The following STPG2 variants were observed in gnomAD, a reference collection of about 807,000 sequenced individuals.
The protein encoded by STPG2 is sperm-tail PG-rich repeat-containing protein 2.
A neutral mutation model predicts 54.2 loss-of-function variants in STPG2; 56 were observed. The ratio of observed to expected loss-of-function variants is 1.03; its 90% CI spans 0.83 to 1.29. The LOEUF is 1.29. Ranked by LOEUF, STPG2 falls within the 50% of genes most tolerant of loss-of-function variation. STPG2 has a pLI of 0.00. For synonymous variants in STPG2, 200 were observed against 181.8 expected, an observed-to-expected ratio of 1.10 and a Z score of -0.81; for missense variants, 596 against 544.9, an observed-to-expected ratio of 1.09 and a Z score of -0.93.
At chr4:97,499,954 A>C (rs1278066896) in intron 4 of STPG2, among the ~76,000 whole-genome samples, 1 of 151,978 alleles carries the variant, frequency 6.6e-6, no homozygotes, top group African/African-American at 2.4e-5. Flanking sequence ...ATCATTGTTG[A>C]GTATTTTAAG....
chr4:97,848,768 ATTGC>A (rs1245202354), intron 8 of STPG2, among the ~76,000 whole-genome samples: 2 of 151,178 alleles, frequency 1.3e-5, no homozygotes. Flanking sequence ...TCCTTTCCCC[ATTGC>A]TTGTTTTTCT....
chr4:97,535,548 T>C (rs540610960), intron 4 of STPG2, among the ~76,000 whole-genome samples: 16 of 152,320 alleles, frequency 1.1e-4, no homozygotes, highest in Admixed American at 2.6e-4. Context: ...CTTTTCCTTT[T>C]AGCATGGTAA....
At chr4:98,057,098 G>A (rs546221521) in intron 5 of STPG2, among the ~76,000 whole-genome samples, 21 of 152,346 alleles carry the variant, frequency 1.4e-4, no homozygotes, top group African/African-American at 4.6e-4. Flanking sequence ...ACAAAGATGA[G>A]AAAGAATCAG....
chr4:97,674,335 C>A (rs1467593077), intron 10 of STPG2, among the ~76,000 whole-genome samples: 1 of 152,040 alleles, frequency 6.6e-6, no homozygotes, highest in Non-Finnish European at 1.5e-5. Flanking sequence ...CGTATTATTT[C>A]AGGGATATTG....
intron 9 of STPG2, among the ~76,000 whole-genome samples, chr4:97,808,708 C>A (rs1364890466): frequency 1.0e-4 from 13 of 124,932 alleles, no homozygotes; most frequent in Non-Finnish European, 1.2e-4. Context: ...AAAAAAAAAA[C>A]CCACAGAAAC....
intron 4 of STPG2, among the ~76,000 whole-genome samples, chr4:97,495,540 T>C (rs950729474): frequency 6.6e-6 from 1 of 151,422 alleles, no homozygotes; most frequent in Admixed American, 6.6e-5. Context: ...TAATATATTA[T>C]GCAGTTCGGT....
intron 8 of STPG2, among the ~76,000 whole-genome samples, chr4:97,890,035 G>C (rs1326368936): frequency 6.6e-6 from 1 of 152,084 alleles, no homozygotes; most frequent in Non-Finnish European, 1.5e-5. Context: ...GCTATTAAAG[G>C]CAATCAGTTT....
intron 9 of STPG2, among the ~76,000 whole-genome samples, chr4:97,831,117 T>G (rs756001977): frequency 6.6e-6 from 1 of 152,252 alleles, no homozygotes; most frequent in Non-Finnish European, 1.5e-5. Flanking sequence ...GACCACATAA[T>G]TGGAAGTAAA....
chr4:97,788,392 A>G (rs1420120025), intron 9 of STPG2, among the ~76,000 whole-genome samples: 4 of 152,120 alleles, frequency 2.6e-5, no homozygotes, highest in Admixed American at 2.6e-4. Context: ...ATGTTGTTGC[A>G]AATGACAAGA....
downstream of STPG2, among the ~76,000 whole-genome samples, chr4:97,558,423 T>A (rs1431550945): frequency 1.3e-5 from 2 of 152,256 alleles, no homozygotes; most frequent in South Asian, 2.1e-4. Flanking sequence ...AAAAGGTGAA[T>A]AGGATCTCAC....
At chr4:97,736,430 G>C (rs536367298) in intron 9 of STPG2, among the ~76,000 whole-genome samples, 1 of 152,334 alleles carries the variant, frequency 6.6e-6, no homozygotes, top group East Asian at 1.9e-4. Flanking sequence ...GGAAGCACAA[G>C]GGGTCAGGGA....
At chr4:97,616,634 A>G (rs914992509) in intron 10 of STPG2, among the ~76,000 whole-genome samples, 1 of 152,080 alleles carries the variant, frequency 6.6e-6, no homozygotes, top group Non-Finnish European at 1.5e-5. Flanking sequence ...GAATTGCATG[A>G]TAACTGATTA....
chr4:97,481,052 C>G (rs1199035615), intron 4 of STPG2, among the ~76,000 whole-genome samples: 2 of 151,414 alleles, frequency 1.3e-5, no homozygotes, highest in Non-Finnish European at 3.0e-5. Flanking sequence ...TATCTCAGAG[C>G]TATTTCAAGT....
intron 8 of STPG2, among the ~76,000 whole-genome samples, chr4:97,900,195 T>C (rs938763442): frequency 2.0e-5 from 3 of 151,846 alleles, no homozygotes; most frequent in South Asian, 2.1e-4. Context: ...CTAATAATTA[T>C]ACAAATGCAA....
intron 10 of STPG2, among the ~76,000 whole-genome samples, chr4:97,576,335 T>C (rs1732723127): frequency 6.7e-6 from 1 of 148,696 alleles, no homozygotes; most frequent in African/African-American, 2.5e-5. Context: ...AGAACAAAGT[T>C]AGAGGCATCA....
At position 97,908,106 on chromosome 4, in the gene STPG2, C is replaced by T. The variant is rs574345623; in HGVS notation, c.1044+35791G>A. Among the ~76,000 whole-genome samples, 841 of 151,052 alleles carry T rather than the reference C, an allele frequency of 5.6e-3. 10 individuals carry two copies. The highest frequency in any genetic ancestry group is 0.018 in the African/African-American group (739 of 41,370). On this transcript the variant is annotated intron_variant, in intron 8 of 10. Transcript: ENST00000295268. ...AACCTACAAAATGGGAGAAAATTTT[C>T]GCAACCTACTCATCTGACAAAGGGC... is the stretch of plus-strand genomic sequence containing the variant.
intron 7 of STPG2, among the ~76,000 whole-genome samples, chr4:97,968,872 C>A (rs1734214295): frequency 6.6e-6 from 1 of 152,170 alleles, no homozygotes; most frequent in Non-Finnish European, 1.5e-5. Context: ...AATGAGCCAA[C>A]AGCGCGTGAT....
intron 4 of STPG2, among the ~76,000 whole-genome samples, chr4:97,496,064 T>C (rs1335786690): frequency 6.6e-6 from 1 of 151,574 alleles, no homozygotes. Flanking sequence ...TGACAACCAA[T>C]ATGTCCTAAA....
chr4:98,023,120 G>C (rs1736282433), intron 5 of STPG2, among the ~76,000 whole-genome samples: 1 of 152,174 alleles, frequency 6.6e-6, no homozygotes, highest in African/African-American at 2.4e-5. Flanking sequence ...CAGTTTTTCT[G>C]CTCTGTTTTT....
Sources: allele counts gnomAD v4.1 joint callset (sites outside exome capture counted in the v4.1 genomes callset), GRCh38; gene constraint gnomAD v4.1.1; transcripts MANE v1.5; gene names NCBI Gene and HGNC (gene_info 2026-07-23, HGNC 2026-07-21).